The following MYT1L variants were observed in gnomAD, a reference collection of about 807,000 sequenced individuals.
MYT1L encodes myelin transcription factor 1-like protein.
A neutral mutation model predicts 126.7 loss-of-function variants in MYT1L; 12 were observed. The observed-to-expected ratio is 0.09, with a 90% confidence interval of 0.06 to 0.15. The LOEUF (loss-of-function observed/expected upper bound fraction) is 0.15. Among genes scored for constraint, MYT1L ranks in the 10% least tolerant of loss-of-function variants. MYT1L has a pLI of 1.00. For synonymous variants in MYT1L, 541 were observed against 604.2 expected (o/e 0.90, Z 1.53); for missense variants, 979 against 1,585.2 (o/e 0.62, Z 6.49).
intron 2 of MYT1L, among the ~76,000 whole-genome samples, chr2:2,282,052 T>C (rs982172398): frequency 6.6e-6 from 1 of 152,222 alleles, no homozygotes; most frequent in Non-Finnish European, 1.5e-5. Flanking sequence ...GAAACAATAA[T>C]GGTCGCTATA....
intron 8 of MYT1L, among the ~76,000 whole-genome samples, chr2:1,975,346 A>T (rs934503670): frequency 3.3e-5 from 5 of 151,122 alleles, no homozygotes; most frequent in Admixed American, 1.3e-4. Flanking sequence ...AAACTACCAT[A>T]GCGTCTGTCC....
intron 8 of MYT1L, among the ~76,000 whole-genome samples, chr2:1,952,882 CTTCCCT>C (rs2057979460): frequency 3.0e-5 from 3 of 99,700 alleles, no homozygotes; most frequent in African/African-American, 4.8e-5. Flanking sequence ...TCCCTCCTTC[CTTCCCT>C]TCCCTCCTTC....
intron 3 of MYT1L, among the ~76,000 whole-genome samples, chr2:2,090,604 C>T (rs2150380375): frequency 6.6e-6 from 1 of 152,212 alleles, no homozygotes; most frequent in Admixed American, 6.5e-5. Context: ...TTAAATAAGG[C>T]AACGATGAAG....
chr2:2,066,030 C>A (rs1360979658), intron 3 of MYT1L, among the ~76,000 whole-genome samples: 1 of 152,136 alleles, frequency 6.6e-6, no homozygotes, highest in Admixed American at 6.5e-5. Flanking sequence ...GTTTTTCACA[C>A]CAGCCCTTCC....
At position 1,995,344 on chromosome 2, in the gene MYT1L, C is replaced by T. The variant is rs978038112; in HGVS notation, c.-1+1847G>A. On this transcript the variant is annotated intron_variant, in intron 5 of 24. Transcript: ENST00000647738. ...GGTAGCTGTGAGTTCACTAGACTGT[C>T]GTCCTCACTGCGCTCTCCTGCTGGG... is the stretch of plus-strand genomic sequence containing the variant. Among the ~76,000 whole-genome samples the T allele has an allele frequency of 3.3e-5, 5 of 152,256 alleles. No homozygotes were observed. In the South Asian group the frequency reaches 8.3e-4, roughly 25 times the overall value.
chr2:2,101,460 C>T (rs1311470718), intron 3 of MYT1L, among the ~76,000 whole-genome samples: 2 of 152,086 alleles, frequency 1.3e-5, no homozygotes, highest in East Asian at 3.9e-4. Context: ...CTACCACCCA[C>T]CCACCCACCA....
chr2:1,874,190 CTT>C (rs5828881), intron 18 of MYT1L, among the ~76,000 whole-genome samples: 46,907 of 147,982 alleles, frequency 0.32, 8,810 homozygotes, highest in African/African-American at 0.54. Flanking sequence ...AGGAAACGCT[CTT>C]TTTTTTTTTT....
intron 1 of MYT1L, among the ~76,000 whole-genome samples, chr2:2,295,125 C>T (rs113720409): frequency 0.027 from 4,159 of 152,148 alleles, 104 homozygotes; most frequent in South Asian, 0.11. Flanking sequence ...GATACTAAAG[C>T]GTGCTGAGGC....
intron 21 of MYT1L, among the ~76,000 whole-genome samples, chr2:1,821,785 C>T (rs58544189): frequency 2.2e-3 from 341 of 152,280 alleles, no homozygotes; most frequent in Non-Finnish European, 4.1e-3. Context: ...CAGGAGGAGC[C>T]GCTGGATTCC....
intron 18 of MYT1L, among the ~76,000 whole-genome samples, chr2:1,879,173 G>A (rs571874269): frequency 2.8e-4 from 43 of 152,246 alleles, no homozygotes; most frequent in African/African-American, 1.0e-3. Flanking sequence ...TCAAGAAAGC[G>A]CCTGGGAGAG....
chr2:2,150,915 C>CGGAGGGAGGGAGGGAGACGGAG (rs2085676862), intron 3 of MYT1L, among the ~76,000 whole-genome samples: 1 of 133,784 alleles, frequency 7.5e-6, no homozygotes, highest in Non-Finnish European at 1.6e-5. Flanking sequence ...GGGAGGGAGA[C>CGGAGGGAGGGAGGGAGACGGAG]GGAGGGAGGG....
chr2:1,930,598 G>A (rs750243033), intron 9 of MYT1L, among the ~76,000 whole-genome samples: 3 of 152,184 alleles, frequency 2.0e-5, no homozygotes, highest in Non-Finnish European at 4.4e-5. Context: ...TGCTGGGCAC[G>A]AGGAGGGCAC....
At chr2:1,858,941 C>G (rs1286271543) in intron 18 of MYT1L, among the ~76,000 whole-genome samples, 5 of 152,214 alleles carry the variant, frequency 3.3e-5, no homozygotes, top group African/African-American at 9.6e-5. Context: ...TTCCCTTTCC[C>G]AAAGCCTCTC....
chr2:2,123,027 A>G (rs2081258004), intron 3 of MYT1L, among the ~76,000 whole-genome samples: 1 of 151,996 alleles, frequency 6.6e-6, no homozygotes, highest in Admixed American at 6.6e-5. Context: ...AAGCCAGGAG[A>G]TTGAGGGGTT....
At chr2:1,803,610 G>A (rs1253701171) in intron 22 of MYT1L, among the ~76,000 whole-genome samples, 1 of 152,190 alleles carries the variant, frequency 6.6e-6, no homozygotes, top group Non-Finnish European at 1.5e-5. Context: ...TTTTGTTCTG[G>A]GAGTGATGGA....
At chr2:1,874,394 G>A (rs914215025) in intron 18 of MYT1L, among the ~76,000 whole-genome samples, 1 of 152,136 alleles carries the variant, frequency 6.6e-6, no homozygotes, top group Admixed American at 6.5e-5. Flanking sequence ...GTGTTTTCAC[G>A]TTGGTTAAGA....
chr2:2,200,788 G>T (rs1251970838), intron 2 of MYT1L, among the ~76,000 whole-genome samples: 1 of 152,202 alleles, frequency 6.6e-6, no homozygotes, highest in African/African-American at 2.4e-5. Context: ...TTGCGCTCAT[G>T]GCTGTTCGGC....
intron 4 of MYT1L, among the ~76,000 whole-genome samples, chr2:2,049,377 C>T (rs538021873): frequency 3.9e-4 from 60 of 152,160 alleles, no homozygotes; most frequent in African/African-American, 1.4e-3. Flanking sequence ...ATGTATAATA[C>T]CTGCATATGG....
In MYT1L at chr2:1,830,933, G is replaced by A. The variant is rs561537530; in HGVS notation, c.3080+8216C>T. On this transcript the variant is annotated intron_variant, in intron 21 of 24. Coordinates refer to ENST00000647738, the MANE Select transcript of MYT1L (RefSeq NM_001303052.2). Reference sequence around the variant, plus strand: ...CTCCCGCATGCACCTGCATGTCAATGGGGCTGGAGTAAGGCTCCCACGCTG... The same window carrying A: ...CTCCCGCATGCACCTGCATGTCAATAGGGCTGGAGTAAGGCTCCCACGCTG... Among the ~76,000 whole-genome samples the A allele has an allele frequency of 2.6e-5, 4 of 152,312 alleles. No individual in the cohort carries two copies. The South Asian group carries it at 8.3e-4, about 32-fold the overall frequency.
Sources: allele counts gnomAD v4.1 joint callset (sites outside exome capture counted in the v4.1 genomes callset), GRCh38; gene constraint gnomAD v4.1.1; transcripts MANE v1.5; gene names NCBI Gene and HGNC (gene_info 2026-07-23, HGNC 2026-07-21).